Variants in KCNMA1 observed in about 807,000 individuals in gnomAD.
KCNMA1 encodes Calcium-activated potassium channel subunit alpha-1.
A neutral mutation model predicts 140.0 loss-of-function variants in KCNMA1; 29 were observed. The ratio of observed to expected loss-of-function variants is 0.21; its 90% CI spans 0.15 to 0.28. The LOEUF (loss-of-function observed/expected upper bound fraction) is 0.28, where lower values mean the gene tolerates loss of function less well. Among genes scored for constraint, KCNMA1 ranks in the 10% least tolerant of loss-of-function variants. KCNMA1 has a pLI of 1.00. For missense variants in KCNMA1, 880 were observed against 1,602.2 expected, an observed-to-expected ratio of 0.55 and a Z score of 7.70; for synonymous variants, 612 against 611.9, an observed-to-expected ratio of 1.00 and a Z score of 0.00.
At chr10:76,975,206 C>T (rs2077124657) in intron 19 of KCNMA1, 1 of 152,110 alleles carries the variant, frequency 6.6e-6, no homozygotes. Flanking sequence ...TTACAACAGT[C>T]GTGTTGCAAA....
At chr10:77,430,719 C>T (rs965743052) in intron 1 of KCNMA1, among the ~76,000 whole-genome samples, 10 of 152,226 alleles carry the variant, frequency 6.6e-5, no homozygotes, top group African/African-American at 2.4e-4. Flanking sequence ...CATCCACTTA[C>T]ATCATGTCCA....
chr10:77,065,898 C>T (rs61868834), intron 14 of KCNMA1, among the ~76,000 whole-genome samples: 24,779 of 152,040 alleles, frequency 0.16, 2,785 homozygotes, highest in Non-Finnish European at 0.25. Context: ...AGAGGGGAGC[C>T]AAGCAGCTGC....
chr10:77,497,614 C>T (rs1377029316), intron 1 of KCNMA1, among the ~76,000 whole-genome samples: 1 of 152,194 alleles, frequency 6.6e-6, no homozygotes, highest in Non-Finnish European at 1.5e-5. Flanking sequence ...TATTATAAAA[C>T]CTCTTGATCT....
intron 2 of KCNMA1, among the ~76,000 whole-genome samples, chr10:77,360,455 C>A (rs2093850348): frequency 1.3e-5 from 2 of 152,184 alleles, no homozygotes; most frequent in Non-Finnish European, 2.9e-5. Flanking sequence ...ATGAAGCCAT[C>A]CTTGTTTCAG....
intron 15 of KCNMA1, among the ~76,000 whole-genome samples, chr10:77,028,937 A>G (rs1429560962): frequency 3.3e-5 from 5 of 152,244 alleles, no homozygotes; most frequent in Admixed American, 3.3e-4. Context: ...GAGTAGAAAA[A>G]TAGAAAACAA....
chr10:77,396,340 G>C (rs1269541145), intron 2 of KCNMA1, among the ~76,000 whole-genome samples: 1 of 152,310 alleles, frequency 6.6e-6, no homozygotes, highest in African/African-American at 2.4e-5. Context: ...CAGAGACAGA[G>C]AGAGAGAGAA....
intron 20 of KCNMA1, among the ~76,000 whole-genome samples, chr10:76,962,691 G>A (rs893022725): frequency 6.6e-6 from 1 of 152,132 alleles, no homozygotes; most frequent in Non-Finnish European, 1.5e-5. Context: ...TTCCATGTCT[G>A]TTTTATCCAT....
chr10:77,624,130 G>A (rs1202895467), intron 1 of KCNMA1, among the ~76,000 whole-genome samples: 1 of 152,152 alleles, frequency 6.6e-6, no homozygotes, highest in African/African-American at 2.4e-5. Flanking sequence ...CGTGGAACAG[G>A]GCTGAGATGA....
chr10:77,027,691 G>T, intron 16 of KCNMA1, 132 bp downstream of exon 16: 1 of 806,332 alleles, frequency 1.2e-6, no homozygotes, highest in Non-Finnish European at 2.2e-6. Flanking sequence ...TGTGCTCTAG[G>T]GTCAGAGAGG....
chr10:77,506,576 AG>A (rs1234577414), intron 1 of KCNMA1, among the ~76,000 whole-genome samples: 45 of 64,470 alleles, frequency 7.0e-4, no homozygotes, highest in African/African-American at 2.7e-3. Flanking sequence ...GTTCCTAGAG[AG>A]AGAGAGAGAG....
chr10:77,435,424 G>A (rs1413420414), intron 1 of KCNMA1, among the ~76,000 whole-genome samples: 1 of 152,150 alleles, frequency 6.6e-6, no homozygotes, highest in Non-Finnish European at 1.5e-5. Flanking sequence ...GTCTCAATGG[G>A]GGCTGTTCTG....
chr10:76,933,251 A>G (rs1178403835), intron 23 of KCNMA1, among the ~76,000 whole-genome samples: 1 of 152,234 alleles, frequency 6.6e-6, no homozygotes, highest in African/African-American at 2.4e-5. Flanking sequence ...AACAGATAGC[A>G]GGATTAAATC....
At chr10:77,296,913 G>C (rs1011386997) in intron 2 of KCNMA1, among the ~76,000 whole-genome samples, 5 of 146,632 alleles carry the variant, frequency 3.4e-5, no homozygotes, top group African/African-American at 1.2e-4. Flanking sequence ...GTGTGTGGGC[G>C]GGGGGGCGGT....
At chr10:76,941,687 A>T (rs2062470637) in intron 23 of KCNMA1, among the ~76,000 whole-genome samples, 1 of 152,176 alleles carries the variant, frequency 6.6e-6, no homozygotes, top group African/African-American at 2.4e-5. Context: ...TCCACTGCTG[A>T]CCAGGGGTCT....
intron 2 of KCNMA1, among the ~76,000 whole-genome samples, chr10:77,300,170 A>C (rs2076214024): frequency 6.6e-6 from 1 of 152,232 alleles, no homozygotes; most frequent in African/African-American, 2.4e-5. Flanking sequence ...ACGCCCCTGC[A>C]CTTGGGAGAT....
At chr10:77,369,601 C>T (rs2094555391) in intron 2 of KCNMA1, among the ~76,000 whole-genome samples, 1 of 152,164 alleles carries the variant, frequency 6.6e-6, no homozygotes, top group African/African-American at 2.4e-5. Context: ...TTCTAGTTGA[C>T]AGATTCACCA....
intron 5 of KCNMA1, among the ~76,000 whole-genome samples, chr10:77,144,092 T>C (rs1401661598): frequency 1.3e-5 from 2 of 152,090 alleles, no homozygotes; most frequent in Middle Eastern, 6.8e-3. Context: ...GAAAAAAAAA[T>C]ATATGTCCAC....
At position 76,886,724 on chromosome 10, in the gene KCNMA1, C is replaced by T. The variant is rs2037141013; in HGVS notation, c.*542G>A. 4 of 1,004,366 alleles carry T rather than the reference C, an allele frequency of 4.0e-6. No individual in the cohort carries two copies. The highest frequency in any genetic ancestry group is 4.2e-5 in the South Asian group (1 of 23,814). The allele number at this position is 1,004,366 out of a possible 1,614,324, so 62.2% of individuals were successfully genotyped here. On this transcript the variant is annotated 3_prime_UTR_variant, in exon 28 of 28. Transcript: ENST00000286628. ...AATCGTGAAAGCTTTTCAAATGCTT[C>T]GCAATACTTCGGCCCAGAGACTGGA...
At position 77,524,473 on chromosome 10, in the gene KCNMA1, G is replaced by T. The variant is rs147435867; in HGVS notation, c.378+112792C>A. Among the ~76,000 whole-genome samples the T allele has an allele frequency of 6.3e-4, 96 of 152,266 alleles. No individual in the cohort carries two copies. The East Asian group carries it at 6.4e-3, about 10-fold the overall frequency. ...AAACTATGCTCTCTCAGAATAATAA[G>T]AAGAAGAATATTCCCTTCTCCTCTG... On this transcript the variant is annotated intron_variant, in intron 1 of 27. Transcript: ENST00000286628.
Sources: gnomAD v4.1 joint callset for allele counts (sites outside exome capture counted in the v4.1 genomes callset) on GRCh38, gnomAD v4.1.1 for gene constraint, MANE v1.5 for transcripts, NCBI Gene and HGNC (gene_info 2026-07-23, HGNC 2026-07-21) for gene names.